The following JAKMIP2 variants were observed in gnomAD, a reference collection of about 807,000 sequenced individuals.
JAKMIP2 encodes the protein janus kinase and microtubule interacting protein 2, also known as janus kinase and microtubule-interacting protein 2.
A neutral mutation model predicts 115.0 loss-of-function variants in JAKMIP2; 25 were observed. The observed-to-expected ratio is 0.22, with a 90% CI of 0.16 to 0.30. The LOEUF is 0.30. Ranked by LOEUF, JAKMIP2 falls within the 10% of genes least tolerant of loss-of-function variation. The probability of loss-of-function intolerance (pLI) is 1.00; values close to 1 mark genes in which losing one functional copy is unlikely to be tolerated. For synonymous variants in JAKMIP2, 334 were observed against 343.6 expected (o/e 0.97, Z 0.31); for missense variants, 642 against 957.6 (o/e 0.67, Z 4.35).
intron 19 of JAKMIP2, 32 bp from the exon 20 acceptor site, chr5:147,612,403 C>T (rs769935136): frequency 2.6e-5 from 34 of 1,321,616 alleles, no homozygotes; most frequent in Non-Finnish European, 3.6e-5. Flanking sequence ...AAGAAAGCAT[C>T]AGTAGGTGGT....
At chr5:147,600,461 C>T (rs1755638832) in intron 21 of JAKMIP2, among the ~76,000 whole-genome samples, 2 of 152,136 alleles carry the variant, frequency 1.3e-5, no homozygotes, top group Admixed American at 6.6e-5. Flanking sequence ...AAGTGCCTCT[C>T]TTCTGTTTTC....
At position 147,651,691 on chromosome 5, in the gene JAKMIP2, G is replaced by A. The variant is rs1409520710; in HGVS notation, c.628-1144C>T. Among the ~76,000 whole-genome samples the A allele has an allele frequency of 2.6e-5, 4 of 151,968 alleles. No homozygotes were observed. The East Asian group carries it at 7.7e-4, about 29-fold the overall frequency. ...GTATTTTCCACATATAAATATCTGTGAGCTACTGCCTGTGAGTCACATGCT... is the reference window on the plus strand; with the variant it reads ...GTATTTTCCACATATAAATATCTGTAAGCTACTGCCTGTGAGTCACATGCT... On this transcript the variant is annotated intron_variant, in intron 3 of 21. Coordinates refer to ENST00000616793, the MANE Select transcript of JAKMIP2 (RefSeq NM_001270941.2).
chr5:147,723,429 G>T (rs914742305), intron 1 of JAKMIP2, among the ~76,000 whole-genome samples: 3 of 152,042 alleles, frequency 2.0e-5, no homozygotes, highest in Non-Finnish European at 4.4e-5. Context: ...GTACATTCTC[G>T]ATGGTATGTT....
Position 147,648,391 on chromosome 5 carries a change from A to T in JAKMIP2, c.921T>A (p.Asp307Glu). The T allele has an allele frequency of 6.2e-7, 1 of 1,600,404 alleles. No individual in the cohort carries two copies. The highest frequency in any genetic ancestry group is 8.6e-7 in the Non-Finnish European group (1 of 1,168,182). Reference protein sequence around the residue: ...KLEDRNTLLGDERNELLKRVR... With the variant: ...KLEDRNTLLGEERNELLKRVR... Reference sequence around the variant, plus strand: ...TATATCTCACCAGTTCATTTCGTTCATCTCCAAGCAAGGTATTCCTGTCTT... The same window carrying T: ...TATATCTCACCAGTTCATTTCGTTCTTCTCCAAGCAAGGTATTCCTGTCTT... The change falls in exon 5 of 22, where the codon GAT becomes GAA. Residue 307 changes from aspartate (D) to glutamate (E), a missense_variant. Around this residue, in one of 6 missense-constraint regions of JAKMIP2, gnomAD observed 439 missense variants for 570.9 expected, o/e 0.77. Transcript: ENST00000616793.
chr5:147,660,282 G>C (rs1259251919), intron 3 of JAKMIP2, among the ~76,000 whole-genome samples: 1 of 152,174 alleles, frequency 6.6e-6, no homozygotes, highest in Non-Finnish European at 1.5e-5. Context: ...GACCAACTCT[G>C]TAGGGGCTGA....
intron 21 of JAKMIP2, among the ~76,000 whole-genome samples, chr5:147,593,497 G>T (rs988413780): frequency 6.6e-6 from 1 of 152,208 alleles, no homozygotes; most frequent in Non-Finnish European, 1.5e-5. Context: ...GCCTTGAAGA[G>T]GAAGAGAAGA....
intron 1 of JAKMIP2, among the ~76,000 whole-genome samples, chr5:147,705,990 A>G (rs1419346315): frequency 6.6e-6 from 1 of 152,054 alleles, no homozygotes; most frequent in Non-Finnish European, 1.5e-5. Context: ...TGATTTAGAC[A>G]CTCTGCTAGG....
intron 1 of JAKMIP2, among the ~76,000 whole-genome samples, chr5:147,684,770 C>T (rs1760490097): frequency 6.6e-6 from 1 of 152,016 alleles, no homozygotes; most frequent in African/African-American, 2.4e-5. Context: ...AAGGGCTAAT[C>T]TTGAAGTTAT....
chr5:147,624,600 A>T (rs1040968254), intron 16 of JAKMIP2, among the ~76,000 whole-genome samples: 1 of 151,978 alleles, frequency 6.6e-6, no homozygotes, highest in African/African-American at 2.4e-5. Context: ...AGAATATATG[A>T]TATTTATGTT....
chr5:147,640,859 C>G (rs1452641378), intron 8 of JAKMIP2, 36 bp from the exon 9 acceptor site: 5 of 1,597,692 alleles, frequency 3.1e-6, no homozygotes, highest in Admixed American at 1.7e-5. Flanking sequence ...ACTGACATAG[C>G]TAACAGTAGG....
At chr5:147,748,010 T>G (rs1393781480) in intron 1 of JAKMIP2, among the ~76,000 whole-genome samples, 1 of 152,180 alleles carries the variant, frequency 6.6e-6, no homozygotes, top group African/African-American at 2.4e-5. Flanking sequence ...TTGATAACAA[T>G]AATTGGGAAC....
chr5:147,632,778 T>A lies in JAKMIP2; in HGVS notation c.1678A>T (p.Ile560Leu). Reference sequence around the variant, plus strand: ...TGATTTTCTGCCTCCTGTTTTTCTATCTAATAAAGTAAATCCTGAAGTTAG... The same window carrying A: ...TGATTTTCTGCCTCCTGTTTTTCTAACTAATAAAGTAAATCCTGAAGTTAG... ...IKRNQELLEK[I>L]EKQEAENHRL... Residue 560 changes from isoleucine to leucine, a missense_variant and splice_region_variant, in exon 13 of 22, where the codon ATA (isoleucine) becomes TTA (leucine). Transcript: ENST00000616793. 1 of 1,594,282 alleles carries A rather than the reference T, an allele frequency of 6.3e-7. No homozygotes were observed.
intron 1 of JAKMIP2, among the ~76,000 whole-genome samples, chr5:147,687,802 A>G (rs1760643038): frequency 6.6e-6 from 1 of 152,244 alleles, no homozygotes. Flanking sequence ...CTACATGCCA[A>G]GCACAGTATT....
chr5:147,622,229 T>C (rs1756886361), intron 17 of JAKMIP2, among the ~76,000 whole-genome samples: 1 of 152,220 alleles, frequency 6.6e-6, no homozygotes, highest in South Asian at 2.1e-4. Flanking sequence ...TTAGACTTGG[T>C]GAGTAAAAAG....
At chr5:147,722,365 C>A (rs1753347730) in intron 1 of JAKMIP2, among the ~76,000 whole-genome samples, 1 of 152,098 alleles carries the variant, frequency 6.6e-6, no homozygotes, top group Non-Finnish European at 1.5e-5. Flanking sequence ...CCTTTTAACT[C>A]CCCTTCCCTA....
intron 1 of JAKMIP2, among the ~76,000 whole-genome samples, chr5:147,720,666 C>G (rs1268611907): frequency 2.0e-5 from 3 of 151,948 alleles, no homozygotes; most frequent in African/African-American, 7.3e-5. Context: ...CTGCATTCTT[C>G]ACGTAGTTCT....
Position 147,637,566 on chromosome 5 carries a change from A to C in JAKMIP2, c.1531-518T>G, listed in dbSNP as rs1358720625. Among the ~76,000 whole-genome samples, 7 of 151,098 alleles carry C rather than the reference A, an allele frequency of 4.6e-5. No individual in the cohort carries two copies. The East Asian group carries it at 1.2e-3, about 25-fold the overall frequency. Reference sequence around the variant, plus strand: ...GCAATTCTCCCGCTTCAGCCTCCCAAATAGCTTGGATTACAGGCACCGGCC... The same window carrying C: ...GCAATTCTCCCGCTTCAGCCTCCCACATAGCTTGGATTACAGGCACCGGCC... On this transcript the variant is annotated intron_variant, in intron 10 of 21. Coordinates refer to ENST00000616793, the MANE Select transcript of JAKMIP2 (RefSeq NM_001270941.2).
chr5:147,660,562 A>T, intron 3 of JAKMIP2: 1 of 402,192 alleles, frequency 2.5e-6, no homozygotes, highest in South Asian at 1.9e-5. Flanking sequence ...AACTCTACAA[A>T]GGAAAAGCCC....
chr5:147,722,121 T>C (rs770237648), intron 1 of JAKMIP2, among the ~76,000 whole-genome samples: 3 of 152,184 alleles, frequency 2.0e-5, no homozygotes, highest in Admixed American at 1.3e-4. Flanking sequence ...GAATGATTCC[T>C]AAAGGCTCCT....
Sources: gnomAD v4.1 joint callset for allele counts (sites outside exome capture counted in the v4.1 genomes callset) on GRCh38, gnomAD v4.1.1 for gene constraint, gnomAD v4.1.1 regional missense constraint, MANE v1.5 for transcripts, NCBI Gene and HGNC (gene_info 2026-07-23, HGNC 2026-07-21) for gene names.